Variants in MCF2L2 observed in about 807,000 individuals in gnomAD.
MCF2L2 encodes the protein probable guanine nucleotide exchange factor MCF2L2.
MCF2L2 carries 102 observed loss-of-function variants against 150.2 expected under a neutral mutation model. That is an observed-to-expected ratio of 0.68 (90% CI 0.58 to 0.80). The LOEUF is 0.80. Ranked by LOEUF, MCF2L2 falls within the 30% of genes least tolerant of loss-of-function variation. The probability of loss-of-function intolerance (pLI) is 0.00; values close to 1 mark genes in which losing one functional copy is unlikely to be tolerated. For synonymous variants in MCF2L2, 465 were observed against 491.3 expected, an observed-to-expected ratio of 0.95 and a Z score of 0.71; for missense variants, 1,256 against 1,372.8, an observed-to-expected ratio of 0.91 and a Z score of 1.34.
At chr3:183,368,246 T>G (rs1712655601) in intron 3 of MCF2L2, among the ~76,000 whole-genome samples, 1 of 152,202 alleles carries the variant, frequency 6.6e-6, no homozygotes, top group South Asian at 2.1e-4. Flanking sequence ...CAGCAATTTG[T>G]GTCTTAAAAA....
chr3:183,384,000 C>T (rs1713684937), intron 2 of MCF2L2, among the ~76,000 whole-genome samples: 1 of 152,208 alleles, frequency 6.6e-6, no homozygotes, highest in Admixed American at 6.5e-5. Flanking sequence ...GCTCCCCAGA[C>T]ACGCATAACA....
chr3:183,368,127 A>C (rs1712649084), intron 3 of MCF2L2, among the ~76,000 whole-genome samples: 1 of 152,198 alleles, frequency 6.6e-6, no homozygotes, highest in Non-Finnish European at 1.5e-5. Flanking sequence ...CAGTTCAAAA[A>C]GTGTGTTCCC....
intron 3 of MCF2L2, among the ~76,000 whole-genome samples, chr3:183,370,637 A>G (rs1384202940): frequency 6.6e-6 from 1 of 151,844 alleles, no homozygotes; most frequent in Non-Finnish European, 1.5e-5. Context: ...CAAATGAACA[A>G]AGAAAAGCCA....
At chr3:183,402,598 C>T (rs966411795) in intron 1 of MCF2L2, among the ~76,000 whole-genome samples, 8 of 151,342 alleles carry the variant, frequency 5.3e-5, no homozygotes, top group East Asian at 1.9e-4. Context: ...CCCAGGAGTT[C>T]GAGACAAGCC....
intron 27 of MCF2L2, among the ~76,000 whole-genome samples, chr3:183,191,915 A>G (rs1435304805): frequency 6.7e-6 from 1 of 148,188 alleles, no homozygotes; most frequent in African/African-American, 2.5e-5. Context: ...ATCTCGGCTC[A>G]CTGCAAGCTC....
At chr3:183,408,097 A>C (rs1300747807) in intron 1 of MCF2L2, among the ~76,000 whole-genome samples, 1 of 149,162 alleles carries the variant, frequency 6.7e-6, no homozygotes, top group Non-Finnish European at 1.5e-5. Context: ...CATCTTCGGA[A>C]AATTACCTTG....
At chr3:183,297,332 C>T (rs1050506821) in intron 11 of MCF2L2, 165 bp from the exon 12 acceptor site, 23 of 626,110 alleles carry the variant, frequency 3.7e-5, no homozygotes, top group Non-Finnish European at 5.5e-5. Context: ...CTGTAAATTA[C>T]ACTATGAGGG....
intron 15 of MCF2L2, among the ~76,000 whole-genome samples, chr3:183,234,074 C>A (rs1188570712): frequency 6.6e-6 from 1 of 152,170 alleles, no homozygotes; most frequent in African/African-American, 2.4e-5. Flanking sequence ...TTATAAATCA[C>A]CCGGAAACAA....
chr3:183,343,628 C>T (rs1381203487), intron 3 of MCF2L2, among the ~76,000 whole-genome samples: 1 of 152,112 alleles, frequency 6.6e-6, no homozygotes, highest in African/African-American at 2.4e-5. Context: ...CCTCAATCCC[C>T]AAAGTGCAGG....
intron 25 of MCF2L2, among the ~76,000 whole-genome samples, chr3:183,203,562 G>A (rs912611048): frequency 2.0e-5 from 3 of 152,184 alleles, no homozygotes; most frequent in Admixed American, 2.0e-4. Flanking sequence ...AAAGAGGAAT[G>A]AAGGAAAAAT....
At chr3:183,400,395 C>T (rs2108610621) in intron 1 of MCF2L2, 2 of 456,238 alleles carry the variant, frequency 4.4e-6, no homozygotes, top group South Asian at 1.6e-5. Flanking sequence ...TCCTACTAAA[C>T]GGTGATAGGC....
At position 183,270,288 on chromosome 3, in the gene MCF2L2, T is replaced by G. The variant is rs1726633635; in HGVS notation, c.1862+6584A>C. ...TATAATTCAGCAAGACTTTGTTGAT[T>G]CTTTCTACAATCTTACTCTGAAATT... On this transcript the variant is annotated intron_variant, in intron 15 of 29. Coordinates refer to ENST00000328913, the MANE Select transcript of MCF2L2 (RefSeq NM_015078.4). The surrounding 1 kb of genome is among the most constrained non-coding windows in gnomAD (Gnocchi z 4.5). The G allele has an allele frequency of 6.2e-7, 1 of 1,614,194 alleles. No individual in the cohort carries two copies. The highest frequency in any genetic ancestry group is 8.5e-7 in the Non-Finnish European group (1 of 1,180,026).
At chr3:183,308,013 C>G (rs1364156084) in intron 10 of MCF2L2, among the ~76,000 whole-genome samples, 3 of 152,238 alleles carry the variant, frequency 2.0e-5, no homozygotes, top group African/African-American at 7.2e-5. Context: ...TCTTCTCAGG[C>G]CTTTCCAGAC....
At chr3:183,261,934 G>A (rs1420156089) in intron 15 of MCF2L2, among the ~76,000 whole-genome samples, 9 of 139,958 alleles carry the variant, frequency 6.4e-5, no homozygotes, top group East Asian at 2.1e-4. Context: ...TCAGACAACC[G>A]TTTTAGGAGG....
intron 13 of MCF2L2, among the ~76,000 whole-genome samples, chr3:183,292,399 G>C (rs1577032171): frequency 6.6e-6 from 1 of 151,832 alleles, no homozygotes. Context: ...CCACAAAAAG[G>C]AAAAAATAAA....
In MCF2L2 at chr3:183,294,615, G is replaced by GTA. The variant is rs546545081; in HGVS notation, c.1675+683_1675+684dup. ...TATATGTGTATGTGTGTGTGTGTGT[G>GTA]TATATATATATATATATATTTTTTT... is the stretch of plus-strand genomic sequence containing the variant. On this transcript the variant is annotated intron_variant, in intron 13 of 29. Coordinates refer to ENST00000328913, the MANE Select transcript of MCF2L2 (RefSeq NM_015078.4). Among the ~76,000 whole-genome samples, 743 of 126,366 alleles carry GTA rather than the reference G, an allele frequency of 5.9e-3. 12 individuals carry two copies. Among genetic ancestry groups the GTA allele is most frequent in the East Asian group, 0.026 (88 of 3,386 alleles). 82.9% of individuals were successfully genotyped at this position (126,366 alleles called of 152,430 possible).
intron 25 of MCF2L2, among the ~76,000 whole-genome samples, chr3:183,198,948 A>G (rs1722164500): frequency 6.6e-6 from 1 of 152,230 alleles, no homozygotes; most frequent in African/African-American, 2.4e-5. Context: ...TAATATTAAT[A>G]GTTGTAAAAC....
At position 183,179,271 on chromosome 3, in the gene MCF2L2, G is replaced by A; in HGVS notation, c.*109C>T. 4.5e-6 allele frequency: 6 copies of A among 1,330,956 alleles called. No homozygotes were observed. Among genetic ancestry groups the A allele is most frequent in the East Asian group, 3.1e-5 (1 of 32,510 alleles). The allele number at this position is 1,330,956 out of a possible 1,614,324, so 82.4% of individuals were successfully genotyped here. ...TGGTTGTCCCCTTTCTGCCGCCGCC[G>A]AGGCTCCGGCTGCTTTCTGCGTAGC... On this transcript the variant is annotated 3_prime_UTR_variant, in exon 30 of 30. Coordinates refer to ENST00000328913, the MANE Select transcript of MCF2L2 (RefSeq NM_015078.4). The surrounding 1 kb of genome is among the most constrained non-coding windows in gnomAD (Gnocchi z 4.2).
chr3:183,242,537 G>C (rs1471337629), intron 15 of MCF2L2, among the ~76,000 whole-genome samples: 1 of 152,234 alleles, frequency 6.6e-6, no homozygotes, highest in African/African-American at 2.4e-5. Flanking sequence ...CTCAAGCCTT[G>C]GTGGCTTACA....
Sources: allele counts gnomAD v4.1 joint callset (sites outside exome capture counted in the v4.1 genomes callset), GRCh38; gene constraint gnomAD v4.1.1; non-coding constraint Gnocchi (gnomAD v3.1); transcripts MANE v1.5; gene names NCBI Gene and HGNC (gene_info 2026-07-23, HGNC 2026-07-21).